GPC6: variants seen among roughly 807,000 people sequenced by gnomAD.
The protein encoded by GPC6 is glypican 6.
Under a neutral mutation model 55.2 loss-of-function variants are expected in GPC6, and 14 were observed. The observed-to-expected ratio is 0.25, with a 90% CI of 0.17 to 0.40. The LOEUF (loss-of-function observed/expected upper bound fraction) is 0.40, where lower values mean the gene tolerates loss of function less well. Among genes scored for constraint, GPC6 ranks in the 10% least tolerant of loss-of-function variants. The pLI is 1.00. For missense variants in GPC6, 641 were observed against 708.5 expected (o/e 0.90, Z 1.08); for synonymous variants, 278 against 259.6 (o/e 1.07, Z -0.68).
chr13:93,718,588 GT>G (rs1883335832), intron 2 of GPC6, among the ~76,000 whole-genome samples: 2 of 151,978 alleles, frequency 1.3e-5, no homozygotes, highest in Non-Finnish European at 2.9e-5. Context: ...TTATTTTGCT[GT>G]ACAGAAGCTC....
intron 6 of GPC6, among the ~76,000 whole-genome samples, chr13:94,336,301 G>A (rs928510977): frequency 1.3e-5 from 2 of 151,972 alleles, no homozygotes; most frequent in Non-Finnish European, 2.9e-5. Context: ...AACCAAGCAG[G>A]GTGTGAACTA....
intron 2 of GPC6, among the ~76,000 whole-genome samples, chr13:93,630,027 G>A (rs145375571): frequency 2.2e-4 from 34 of 152,250 alleles, no homozygotes; most frequent in East Asian, 5.8e-4. Flanking sequence ...ATCAAGTGAT[G>A]GATGTAAAGC....
At chr13:93,607,546 C>A (rs1235216790) in intron 2 of GPC6, among the ~76,000 whole-genome samples, 3 of 152,114 alleles carry the variant, frequency 2.0e-5, no homozygotes, top group Non-Finnish European at 2.9e-5. Flanking sequence ...ACAGAAACAC[C>A]CCCGTCATTA....
At chr13:94,126,587 T>C (rs1333257) in intron 4 of GPC6, among the ~76,000 whole-genome samples, 49,816 of 151,990 alleles carry the variant, frequency 0.33, 9,804 homozygotes, top group Middle Eastern at 0.46. Flanking sequence ...ATCAAATTAT[T>C]TCCATGCATC....
intron 1 of GPC6, among the ~76,000 whole-genome samples, chr13:93,248,122 A>T (rs930337947): frequency 2.6e-5 from 4 of 152,190 alleles, no homozygotes; most frequent in African/African-American, 7.2e-5. Flanking sequence ...CTTACTCAGA[A>T]CATGCTTAGC....
chr13:94,313,989 A>T (rs764422744), intron 6 of GPC6, among the ~76,000 whole-genome samples: 1 of 152,352 alleles, frequency 6.6e-6, no homozygotes, highest in East Asian at 1.9e-4. Context: ...GTAGATATCA[A>T]TCTATCAATA....
At chr13:93,382,108 C>T (rs1375601759) in intron 1 of GPC6, among the ~76,000 whole-genome samples, 1 of 152,012 alleles carries the variant, frequency 6.6e-6, no homozygotes, top group Admixed American at 6.6e-5. Flanking sequence ...AAAGTTTGTA[C>T]GAGATCATCA....
chr13:93,560,963 T>C (rs1875752520), intron 2 of GPC6, among the ~76,000 whole-genome samples: 1 of 152,154 alleles, frequency 6.6e-6, no homozygotes, highest in Admixed American at 6.5e-5. Flanking sequence ...TCTTATGTAT[T>C]TGAACAACAA....
chr13:94,362,001 A>T (rs1474196717), intron 6 of GPC6, among the ~76,000 whole-genome samples: 1 of 152,226 alleles, frequency 6.6e-6, no homozygotes, highest in Non-Finnish European at 1.5e-5. Context: ...ACTGTTCTGG[A>T]TCTAAGCTTA....
intron 4 of GPC6, among the ~76,000 whole-genome samples, chr13:94,193,661 A>G (rs1889471719): frequency 6.6e-6 from 1 of 152,196 alleles, no homozygotes; most frequent in Non-Finnish European, 1.5e-5. Context: ...CCCGTGTGCA[A>G]AATTGCTGTT....
intron 1 of GPC6, among the ~76,000 whole-genome samples, chr13:93,295,550 G>A (rs538311178): frequency 3.6e-4 from 54 of 151,892 alleles, no homozygotes; most frequent in African/African-American, 1.0e-3. Flanking sequence ...GCGCGATCTC[G>A]GCTCACTGCA....
In GPC6 at chr13:93,830,330, GC is replaced by G; in HGVS notation, c.497del (p.Ala166ValfsTer10). ...NLEEMLNDFW[A>X]RLLERMFQLI... ...GGAGGAAATGCTCAATGACTTTTGG[GC>G]TCGGCTCCTGGAACGGATGTTTCAG... On this transcript the variant is annotated frameshift_variant, in exon 3 of 9. Coordinates refer to ENST00000377047, the MANE Select transcript of GPC6 (RefSeq NM_005708.5). LOFTEE classifies it high-confidence loss of function. The G allele has an allele frequency of 6.2e-7, 1 of 1,613,954 alleles. No individual in the cohort carries two copies. The highest frequency in any genetic ancestry group is 8.5e-7 in the Non-Finnish European group (1 of 1,179,944).
chr13:94,012,581 C>CA lies in GPC6; in HGVS notation c.712-15142dup, dbSNP rs113942674. ...TTATGTTTTGTACATCCAGAATTACCAAAAAACCACAATGTGTTGTGTCCG... is the reference window on the plus strand; with the variant it reads ...TTATGTTTTGTACATCCAGAATTACCAAAAAAACCACAATGTGTTGTGTCCG... On this transcript the variant is annotated intron_variant, in intron 3 of 8. Coordinates refer to ENST00000377047, the MANE Select transcript of GPC6 (RefSeq NM_005708.5). Among the ~76,000 whole-genome samples the CA allele has an allele frequency of 6.5e-3, 983 of 152,198 alleles. 8 individuals carry two copies. Among genetic ancestry groups the CA allele is most frequent in the African/African-American group, 0.022 (925 of 41,526 alleles).
At chr13:94,160,356 A>G (rs1422891608) in intron 4 of GPC6, among the ~76,000 whole-genome samples, 2 of 152,222 alleles carry the variant, frequency 1.3e-5, no homozygotes, top group Non-Finnish European at 2.9e-5. Flanking sequence ...AGGAGAGATT[A>G]CTATATGTAT....
chr13:93,417,196 T>A (rs1008242061), intron 1 of GPC6, among the ~76,000 whole-genome samples: 7 of 152,178 alleles, frequency 4.6e-5, no homozygotes, highest in African/African-American at 1.7e-4. Context: ...TGTATGGCTT[T>A]CCCAAGGACA....
chr13:93,248,595 A>G (rs17267523), intron 1 of GPC6, among the ~76,000 whole-genome samples: 24,570 of 152,150 alleles, frequency 0.16, 2,261 homozygotes, highest in Middle Eastern at 0.25. Context: ...CTAATTAAGT[A>G]TAAGAGAGGA....
At chr13:94,177,208 A>G (rs1043444777) in intron 4 of GPC6, among the ~76,000 whole-genome samples, 13 of 152,200 alleles carry the variant, frequency 8.5e-5, no homozygotes, top group Non-Finnish European at 1.9e-4. Context: ...TTCAACATGT[A>G]AGAGAACACG....
At chr13:93,837,776 C>T (rs1887795254) in intron 3 of GPC6, among the ~76,000 whole-genome samples, 1 of 152,120 alleles carries the variant, frequency 6.6e-6, no homozygotes, top group African/African-American at 2.4e-5. Flanking sequence ...GGAGGAGTCA[C>T]AAGTAAACTT....
At chr13:94,296,456 G>T (rs970648398) in intron 5 of GPC6, among the ~76,000 whole-genome samples, 1 of 152,232 alleles carries the variant, frequency 6.6e-6, no homozygotes, top group Non-Finnish European at 1.5e-5. Flanking sequence ...GTCTCCTTCT[G>T]ACTTCTTCCT....
Sources: allele counts gnomAD v4.1 joint callset (sites outside exome capture counted in the v4.1 genomes callset), GRCh38; gene constraint gnomAD v4.1.1; transcripts MANE v1.5; gene names NCBI Gene and HGNC (gene_info 2026-07-23, HGNC 2026-07-21).